The following SCAF8 variants were observed in gnomAD, a reference collection of about 807,000 sequenced individuals.
SCAF8 encodes the protein SR-related CTD associated factor 8.
A neutral mutation model predicts 140.5 loss-of-function variants in SCAF8; 23 were observed. The ratio of observed to expected loss-of-function variants is 0.16; its 90% CI spans 0.12 to 0.23. The LOEUF is 0.23. Ranked by LOEUF, SCAF8 falls within the 10% of genes least tolerant of loss-of-function variation. The probability of loss-of-function intolerance (pLI) is 1.00; values close to 1 mark genes in which losing one functional copy is unlikely to be tolerated. For synonymous variants in SCAF8, 575 were observed against 528.9 expected, an observed-to-expected ratio of 1.09 and a Z score of -1.20; for missense variants, 1,397 against 1,555.7, an observed-to-expected ratio of 0.90 and a Z score of 1.72.
chr6:154,779,647 TAC>T (rs1398582582), intron 3 of SCAF8, among the ~76,000 whole-genome samples: 5 of 152,150 alleles, frequency 3.3e-5, no homozygotes, highest in Non-Finnish European at 5.9e-5. Flanking sequence ...GTGAGATAAT[TAC>T]AGTCAATCTG....
intron 9 of SCAF8, among the ~76,000 whole-genome samples, 192 bp from the exon 10 acceptor site, chr6:154,807,878 T>A (rs555464741): frequency 1.3e-5 from 2 of 152,386 alleles, no homozygotes; most frequent in Non-Finnish European, 2.9e-5. Context: ...TGTTCTCTGC[T>A]TTTATATAAA....
chr6:154,779,193 C>T (rs1403934900), intron 3 of SCAF8, among the ~76,000 whole-genome samples: 1 of 152,056 alleles, frequency 6.6e-6, no homozygotes, highest in East Asian at 1.9e-4. Flanking sequence ...CCACCACGCC[C>T]AGCTAATTTT....
chr6:154,787,779 C>A, intron 3 of SCAF8, 82 bp from the exon 4 acceptor site: 2 of 1,159,606 alleles, frequency 1.7e-6, no homozygotes, highest in Non-Finnish European at 1.2e-6. Flanking sequence ...TTTGTATTTA[C>A]ACAGGATTTT....
intron 1 of SCAF8, among the ~76,000 whole-genome samples, chr6:154,744,714 G>T (rs1206703614): frequency 6.6e-6 from 1 of 152,032 alleles, no homozygotes; most frequent in Non-Finnish European, 1.5e-5. Flanking sequence ...TGTTTTTACT[G>T]GTATAATGTC....
chr6:154,772,340 C>G (rs1776792677), intron 1 of SCAF8, among the ~76,000 whole-genome samples: 1 of 152,206 alleles, frequency 6.6e-6, no homozygotes, highest in South Asian at 2.1e-4. Context: ...TGCCTGATTC[C>G]CTCACACTAA....
intron 1 of SCAF8, among the ~76,000 whole-genome samples, chr6:154,743,799 A>T (rs1562422370): frequency 6.6e-6 from 1 of 152,232 alleles, no homozygotes; most frequent in Admixed American, 6.5e-5. Flanking sequence ...TATTTTAAAT[A>T]TATGAGTAAA....
At chr6:154,784,312 A>G (rs1014503798) in intron 3 of SCAF8, among the ~76,000 whole-genome samples, 11 of 151,848 alleles carry the variant, frequency 7.2e-5, no homozygotes, top group South Asian at 4.2e-4. Flanking sequence ...CACTTTTCAT[A>G]TGTATTTTTA....
intron 5 of SCAF8, 122 bp from the exon 6 acceptor site, chr6:154,794,883 CAATA>C (rs1221361432): frequency 9.4e-6 from 7 of 747,196 alleles, no homozygotes; most frequent in African/African-American, 5.8e-5. Context: ...AAAGTGGACA[CAATA>C]AAATAAAAAC....
Position 154,766,863 on chromosome 6 carries a change from T to C in SCAF8, c.31-7126T>C, listed in dbSNP as rs192885062. 7.2e-5 allele frequency among the ~76,000 whole-genome samples: 11 copies of C among 152,192 alleles called. No individual in the cohort carries two copies. In the East Asian group the frequency reaches 1.2e-3, roughly 16 times the overall value. On this transcript the variant is annotated intron_variant, in intron 1 of 19. Coordinates refer to ENST00000367178, the MANE Select transcript of SCAF8 (RefSeq NM_014892.5). ...CAGTGGTATAATACTTCCAGACTTA[T>C]ATGATGTTCTATTGGGGTTCTCTTC...
chr6:154,796,980 C>CA (rs761510703), intron 6 of SCAF8, among the ~76,000 whole-genome samples: 4,568 of 133,638 alleles, frequency 0.034, 138 homozygotes, highest in African/African-American at 0.09. Context: ...ACAAAAATCT[C>CA]AAAAAAAAAA....
At chr6:154,827,559 T>G (rs1426481664) in intron 18 of SCAF8, among the ~76,000 whole-genome samples, 1 of 152,196 alleles carries the variant, frequency 6.6e-6, no homozygotes, top group East Asian at 1.9e-4. Context: ...CTTCCTTTTC[T>G]TAATGCTTCA....
chr6:154,788,063 A>G lies in SCAF8; in HGVS notation c.321+41A>G, dbSNP rs779615564. On this transcript the variant is annotated intron_variant, in intron 4 of 19. Transcript: ENST00000367178. ...TTTTTTTTTGTTTTTTTAAAAGTAGATACAGTAGCCTCTTGGTCTTAATTA... is the reference window on the plus strand; with the variant it reads ...TTTTTTTTTGTTTTTTTAAAAGTAGGTACAGTAGCCTCTTGGTCTTAATTA... The G allele has an allele frequency of 2.7e-5, 41 of 1,516,402 alleles. 2 individuals are homozygous for G. The South Asian group carries it at 4.6e-4, about 17-fold the overall frequency. The allele number at this position is 1,516,402 out of a possible 1,614,324, so 93.9% of individuals were successfully genotyped here. A position where few individuals can be genotyped will look rare whatever the true frequency, so the allele number is the denominator to read the frequency against.
At chr6:154,831,740 A>G (rs1778743758) in intron 19 of SCAF8, among the ~76,000 whole-genome samples, 199 bp from the exon 20 acceptor site, 1 of 96,902 alleles carries the variant, frequency 1.0e-5, no homozygotes, top group Admixed American at 1.2e-4. Context: ...AAAAAAAAAA[A>G]AAGAATTATG....
intron 7 of SCAF8, among the ~76,000 whole-genome samples, chr6:154,802,561 G>A (rs764126859): frequency 1.3e-5 from 2 of 151,912 alleles, no homozygotes; most frequent in Non-Finnish European, 2.9e-5. Context: ...AGGTTGCAGT[G>A]AGCCAAGATT....
In SCAF8 at chr6:154,833,070, A is replaced by G; in HGVS notation, c.3491A>G (p.Asp1164Gly). 1 of 1,614,170 alleles carries G rather than the reference A, an allele frequency of 6.2e-7. No homozygotes were observed. Among genetic ancestry groups the G allele is most frequent in the Non-Finnish European group, 8.5e-7 (1 of 1,180,014 alleles). The change falls in exon 20 of 20, where the codon GAC (aspartate) becomes GGC (glycine). Residue 1164 changes from aspartate (D) to glycine (G), a missense_variant. Around this residue, in one of 5 missense-constraint regions of SCAF8, gnomAD observed 930 missense variants for 874.6 expected, o/e 1.06. Transcript: ENST00000367178. The stretch of plus-strand genomic sequence containing the variant: ...TGGGAGAGGCAAAGGGATAGGGATG[A>G]CAGAGATTTTGATTTCTGCAGAGAA... ...RPWERQRDRDDRDFDFCREMN... is the reference protein window; with the variant it reads ...RPWERQRDRDGRDFDFCREMN...
chr6:154,794,609 A>G (rs541217785), intron 5 of SCAF8, among the ~76,000 whole-genome samples: 25 of 152,238 alleles, frequency 1.6e-4, no homozygotes, highest in African/African-American at 5.8e-4. Context: ...ATGTGTACGT[A>G]CAGAAAAAAA....
intron 2 of SCAF8, among the ~76,000 whole-genome samples, chr6:154,775,205 A>G (rs1217118221): frequency 6.6e-6 from 1 of 152,216 alleles, no homozygotes. Flanking sequence ...AGTATCTTAC[A>G]TCAATAGTTA....
chr6:154,736,019 T>C (rs1778407988), intron 1 of SCAF8, among the ~76,000 whole-genome samples: 1 of 151,444 alleles, frequency 6.6e-6, no homozygotes, highest in Non-Finnish European at 1.5e-5. Context: ...AGAGAGGAGG[T>C]CTTGTTATGT....
chr6:154,775,401 G>A (rs1361961440), intron 2 of SCAF8, among the ~76,000 whole-genome samples: 1 of 152,200 alleles, frequency 6.6e-6, no homozygotes. Context: ...ATTTGAAAGT[G>A]TGGAAACGTG....
Sources: gnomAD v4.1 joint callset for allele counts (sites outside exome capture counted in the v4.1 genomes callset) on GRCh38, gnomAD v4.1.1 for gene constraint, gnomAD v4.1.1 regional missense constraint, MANE v1.5 for transcripts, NCBI Gene and HGNC (gene_info 2026-07-23, HGNC 2026-07-21) for gene names.